The following IGSF21 variants were observed in gnomAD, a reference collection of about 807,000 sequenced individuals.
The protein encoded by IGSF21 is immunoglobulin superfamily member 21.
A neutral mutation model predicts 46.8 loss-of-function variants in IGSF21; 28 were observed. The observed-to-expected ratio is 0.60, with a 90% CI of 0.44 to 0.82. The LOEUF (loss-of-function observed/expected upper bound fraction) is 0.82. Among genes scored for constraint, IGSF21 ranks in the 40% least tolerant of loss-of-function variants. The pLI, the probability that IGSF21 is intolerant of heterozygous loss-of-function variation, is 0.00. For missense variants in IGSF21, 624 were observed against 665.5 expected, an observed-to-expected ratio of 0.94 and a Z score of 0.69; for synonymous variants, 284 against 273.6, an observed-to-expected ratio of 1.04 and a Z score of -0.38.
At chr1:18,158,059 C>T (rs2086583793) in intron 1 of IGSF21, among the ~76,000 whole-genome samples, 1 of 152,144 alleles carries the variant, frequency 6.6e-6, no homozygotes, top group African/African-American at 2.4e-5. Context: ...TCATATCTCC[C>T]CCATCAAACT....
intron 4 of IGSF21, among the ~76,000 whole-genome samples, chr1:18,359,387 G>GGAAGAAAGAAAGAAAGA (rs2086065824): frequency 5.9e-5 from 2 of 33,858 alleles, no homozygotes; most frequent in African/African-American, 2.2e-4. Flanking sequence ...AGAAAGAAAG[G>GGAAGAAAGAAAGAAAGA]AAGGAAGGAA....
intron 3 of IGSF21, among the ~76,000 whole-genome samples, chr1:18,292,917 A>G (rs1251028631): frequency 6.6e-6 from 1 of 152,188 alleles, no homozygotes; most frequent in East Asian, 1.9e-4. Context: ...ACACCGCCAA[A>G]TGCTTTGCCA....
At chr1:18,160,325 A>G (rs2086606458) in intron 1 of IGSF21, among the ~76,000 whole-genome samples, 1 of 152,350 alleles carries the variant, frequency 6.6e-6, no homozygotes, top group South Asian at 2.1e-4. Flanking sequence ...AACCTACTTT[A>G]TCAGATGTGT....
intron 3 of IGSF21, among the ~76,000 whole-genome samples, chr1:18,312,115 C>A (rs2085494458): frequency 6.6e-6 from 1 of 152,180 alleles, no homozygotes; most frequent in Non-Finnish European, 1.5e-5. Flanking sequence ...CACTTGTTTG[C>A]CCATCTCTTG....
Position 18,290,314 on chromosome 1 carries a change from G to A in IGSF21, c.184-1552G>A, listed in dbSNP as rs2085253219. ...ATGGTCAGAAAGCGCCAAGCCCTCAGAGGGGAAGAAAGTGACGCGTGTACA... is the reference window on the plus strand; with the variant it reads ...ATGGTCAGAAAGCGCCAAGCCCTCAAAGGGGAAGAAAGTGACGCGTGTACA... On this transcript the variant is annotated intron_variant, in intron 2 of 9. Coordinates refer to ENST00000251296, the MANE Select transcript of IGSF21 (RefSeq NM_032880.5). This position sits in a 1 kb window ranked among gnomAD's most constrained non-coding sequence, Gnocchi z 4.2. Among the ~76,000 whole-genome samples, 1 of 152,206 alleles carries A rather than the reference G, an allele frequency of 6.6e-6. No individual in the cohort carries two copies. Among genetic ancestry groups the A allele is most frequent in the Non-Finnish European group, 1.5e-5 (1 of 68,042 alleles).
intron 3 of IGSF21, among the ~76,000 whole-genome samples, chr1:18,330,060 T>C (rs2085697161): frequency 6.6e-6 from 1 of 152,236 alleles, no homozygotes; most frequent in African/African-American, 2.4e-5. Context: ...TCACAGCCCA[T>C]TGCTGATGAG....
Position 18,137,867 on chromosome 1 carries a change from G to C in IGSF21, c.70+29669G>C, listed in dbSNP as rs77939040. 4.4e-3 allele frequency among the ~76,000 whole-genome samples: 673 copies of C among 152,210 alleles called. 7 individuals are homozygous for C. Among genetic ancestry groups the C allele is most frequent in the African/African-American group, 0.015 (637 of 41,518 alleles). ...GTGTAATCTGCATTAAAAACTCCAT[G>C]AGTTAGATTCTATTATTTTCTCCAT... On this transcript the variant is annotated intron_variant, in intron 1 of 9. Transcript: ENST00000251296.
At chr1:18,275,498 A>G (rs1057019523) in intron 2 of IGSF21, among the ~76,000 whole-genome samples, 2 of 152,154 alleles carry the variant, frequency 1.3e-5, no homozygotes, top group Non-Finnish European at 2.9e-5. Flanking sequence ...TGCAGCAGCC[A>G]TAAGAAGACA....
chr1:18,214,204 A>G (rs2084420080), intron 1 of IGSF21, among the ~76,000 whole-genome samples: 1 of 152,208 alleles, frequency 6.6e-6, no homozygotes, highest in African/African-American at 2.4e-5. Context: ...GGGGAATTTG[A>G]TTAGTTTGCT....
chr1:18,226,426 G>T (rs1438778153), intron 1 of IGSF21, among the ~76,000 whole-genome samples: 1 of 152,216 alleles, frequency 6.6e-6, no homozygotes, highest in Non-Finnish European at 1.5e-5. Flanking sequence ...GAGGATCCGG[G>T]TTGGTCCTTC....
intron 1 of IGSF21, among the ~76,000 whole-genome samples, chr1:18,129,663 A>G (rs1029048705): frequency 6.6e-6 from 1 of 152,206 alleles, no homozygotes; most frequent in Non-Finnish European, 1.5e-5. Flanking sequence ...GCAGTCTCGT[A>G]TCGACCCAGC....
rs545008058 is a variant in IGSF21 at position 18,314,873 on chromosome 1, G to A, written c.306-20019G>A. On this transcript the variant is annotated intron_variant, in intron 3 of 9. Coordinates refer to ENST00000251296, the MANE Select transcript of IGSF21 (RefSeq NM_032880.5). The stretch of plus-strand genomic sequence containing the variant: ...TGGGCGGATGACATCCAGGCTCAGC[G>A]GCAGGTACAATGATGGGGACTCTTG... Among the ~76,000 whole-genome samples, 19 of 152,276 alleles carry A rather than the reference G, an allele frequency of 1.2e-4. No individual in the cohort carries two copies. In the South Asian group the frequency reaches 3.3e-3, roughly 27 times the overall value.
At chr1:18,350,188 A>C (rs1430389379) in intron 4 of IGSF21, among the ~76,000 whole-genome samples, 1 of 152,192 alleles carries the variant, frequency 6.6e-6, no homozygotes, top group Non-Finnish European at 1.5e-5. Flanking sequence ...ATCCAGTGCC[A>C]TCCATCCATT....
intron 1 of IGSF21, among the ~76,000 whole-genome samples, chr1:18,135,973 A>C (rs2086364978): frequency 6.6e-6 from 1 of 152,186 alleles, no homozygotes; most frequent in South Asian, 2.1e-4. Context: ...GTGAGATGGT[A>C]TCTCATTGTG....
chr1:18,181,693 G>A (rs189663117), intron 1 of IGSF21, among the ~76,000 whole-genome samples: 2 of 152,106 alleles, frequency 1.3e-5, no homozygotes, highest in South Asian at 2.1e-4. Context: ...GGGAACAGGG[G>A]AGGCCTTCTG....
rs1227369135 is a variant in IGSF21 at position 18,365,163 on chromosome 1, A to C, written c.541-60A>C. 2.3e-6 allele frequency: 3 copies of C among 1,332,304 alleles called. No homozygotes were observed. The highest frequency in any genetic ancestry group is 2.9e-5 in the African/African-American group (2 of 69,078). The allele number at this position is 1,332,304 out of a possible 1,614,324, so 82.5% of individuals were successfully genotyped here. ...CTGTGCCCAGTTCATCGGAGAACCC[A>C]CTGGGAGGTTGAAGTTAGTAGCACA... On this transcript the variant is annotated intron_variant, in intron 5 of 9. Coordinates refer to ENST00000251296, the MANE Select transcript of IGSF21 (RefSeq NM_032880.5). This position sits in a 1 kb window ranked among gnomAD's most constrained non-coding sequence, Gnocchi z 4.8.
At chr1:18,360,278 C>G (rs1284341267) in intron 4 of IGSF21, among the ~76,000 whole-genome samples, 2 of 152,294 alleles carry the variant, frequency 1.3e-5, no homozygotes, top group Middle Eastern at 3.4e-3. Context: ...TGCGATCTTA[C>G]GCTTAATTAC....
intron 1 of IGSF21, among the ~76,000 whole-genome samples, chr1:18,196,892 C>A (rs1201606955): frequency 6.6e-6 from 1 of 152,154 alleles, no homozygotes; most frequent in Non-Finnish European, 1.5e-5. Context: ...GCCACAGAGA[C>A]AAGTGGGGGA....
chr1:18,365,339 C>T lies in IGSF21; in HGVS notation c.657C>T (p.Asp219=). The T allele has an allele frequency of 6.2e-7, 1 of 1,614,130 alleles. No homozygotes were observed. The highest frequency in any genetic ancestry group is 2.2e-5 in the East Asian group (1 of 44,868). Residue 219 remains aspartate (D), a synonymous_variant, in exon 6 of 10, where the codon GAC becomes GAT. Coordinates refer to ENST00000251296, the MANE Select transcript of IGSF21 (RefSeq NM_032880.5). The surrounding 1 kb of genome is among the most constrained non-coding windows in gnomAD (Gnocchi z 4.8). ...SRPFRSLLHR[D]LDDTKMQKSL... is the part of the protein sequence containing the mutation. Reference sequence around the variant, plus strand: ...CCTTCCGCAGCCTTCTGCACCGTGACCTGGATGACACCAAGATGCAGAAGT... The same window carrying T: ...CCTTCCGCAGCCTTCTGCACCGTGATCTGGATGACACCAAGATGCAGAAGT...
Sources: allele counts gnomAD v4.1 joint callset (sites outside exome capture counted in the v4.1 genomes callset), GRCh38; gene constraint gnomAD v4.1.1; non-coding constraint Gnocchi (gnomAD v3.1); transcripts MANE v1.5; gene names NCBI Gene and HGNC (gene_info 2026-07-23, HGNC 2026-07-21).